The following NTM variants were observed in gnomAD, a reference collection of about 807,000 sequenced individuals.
NTM encodes the protein neurotrimin, also known as IgLON family member 2.
In NTM, 13 loss-of-function variants were observed where a neutral mutation model predicts 42.1. That is an observed-to-expected ratio of 0.31 (90% confidence interval 0.20 to 0.49). NTM has a LOEUF of 0.49. Among genes scored for constraint, NTM ranks in the 20% least tolerant of loss-of-function variants. The pLI, the probability that NTM is intolerant of heterozygous loss-of-function variation, is 0.99. For missense variants in NTM, 373 were observed against 452.8 expected (o/e 0.82, Z 1.60); for synonymous variants, 187 against 179.2 (o/e 1.04, Z -0.35).
At chr11:132,270,672 TG>T (rs1399157458) in intron 4 of NTM, among the ~76,000 whole-genome samples, 8 of 151,970 alleles carry the variant, frequency 5.3e-5, no homozygotes. Flanking sequence ...TTTACTTTTT[TG>T]GGGGGTAATA....
intron 1 of NTM, among the ~76,000 whole-genome samples, chr11:131,626,444 C>T (rs1056884274): frequency 6.6e-6 from 1 of 152,156 alleles, no homozygotes; most frequent in Non-Finnish European, 1.5e-5. Context: ...GTGTGAAATA[C>T]ATAGTAGTTG....
At chr11:131,884,951 T>G (rs976710841) in intron 1 of NTM, among the ~76,000 whole-genome samples, 1 of 152,200 alleles carries the variant, frequency 6.6e-6, no homozygotes, top group African/African-American at 2.4e-5. Flanking sequence ...GTGGCTCTAT[T>G]AGCTGAGGCA....
intron 1 of NTM, among the ~76,000 whole-genome samples, chr11:131,758,942 A>T (rs1401341844): frequency 6.6e-6 from 1 of 152,162 alleles, no homozygotes; most frequent in Non-Finnish European, 1.5e-5. Context: ...TCATCAAAGA[A>T]GCCGTGACTC....
At chr11:132,286,940 G>A (rs1404967765) in intron 4 of NTM, among the ~76,000 whole-genome samples, 1 of 152,140 alleles carries the variant, frequency 6.6e-6, no homozygotes, top group Non-Finnish European at 1.5e-5. Flanking sequence ...TTCTTCTTTG[G>A]TGCCTATGTC....
At chr11:131,815,615 C>T (rs2136350247) in intron 1 of NTM, among the ~76,000 whole-genome samples, 1 of 152,224 alleles carries the variant, frequency 6.6e-6, no homozygotes, top group Admixed American at 6.5e-5. Context: ...GGGTGGCTTA[C>T]CCAACCCCCA....
chr11:132,137,111 A>G (rs2068078585), intron 2 of NTM, among the ~76,000 whole-genome samples: 1 of 152,222 alleles, frequency 6.6e-6, no homozygotes, highest in Admixed American at 6.5e-5. Flanking sequence ...CAATCAGTTT[A>G]ATCAGTGTAA....
At chr11:131,714,987 A>C (rs1234971837) in intron 1 of NTM, among the ~76,000 whole-genome samples, 1 of 152,266 alleles carries the variant, frequency 6.6e-6, no homozygotes, top group Non-Finnish European at 1.5e-5. Flanking sequence ...CACTTGCTTA[A>C]TTAATGCTTC....
At chr11:132,151,592 C>G (rs2071920889) in intron 3 of NTM, among the ~76,000 whole-genome samples, 1 of 152,210 alleles carries the variant, frequency 6.6e-6, no homozygotes. Context: ...CTAGGTTTCT[C>G]TTTTGTCACT....
chr11:131,913,376 T>A (rs1339243952), intron 2 of NTM, among the ~76,000 whole-genome samples: 1 of 152,078 alleles, frequency 6.6e-6, no homozygotes, highest in Non-Finnish European at 1.5e-5. Context: ...CTGTAGAGAC[T>A]TGAAGATAAA....
chr11:131,917,707 C>T lies in NTM; in HGVS notation c.167+6059C>T, dbSNP rs138031153. 2.6e-5 allele frequency among the ~76,000 whole-genome samples: 4 copies of T among 152,284 alleles called. No individual in the cohort carries two copies. In the East Asian group the frequency reaches 7.7e-4, roughly 29 times the overall value. On this transcript the variant is annotated intron_variant, in intron 2 of 8. Coordinates refer to ENST00000683400, the MANE Select transcript of NTM (RefSeq NM_001352005.2). ...TCACCCGTTCAGAATAGCAATGCTA[C>T]TCAGGAGGCCTGTGCTGCTCCCACT... is the stretch of plus-strand genomic sequence containing the variant.
intron 1 of NTM, among the ~76,000 whole-genome samples, chr11:131,420,865 G>T (rs1381900273): frequency 6.6e-6 from 1 of 152,154 alleles, no homozygotes; most frequent in African/African-American, 2.4e-5. Context: ...ACCAGCATTT[G>T]TTGGCAAATG....
At chr11:131,521,207 T>C (rs2049613572) in intron 1 of NTM, among the ~76,000 whole-genome samples, 2 of 151,030 alleles carry the variant, frequency 1.3e-5, no homozygotes, top group African/African-American at 4.9e-5. Flanking sequence ...CCCAGCTACT[T>C]GGGAGGCTGA....
chr11:132,102,798 A>G (rs2061784847), intron 2 of NTM, among the ~76,000 whole-genome samples: 1 of 152,310 alleles, frequency 6.6e-6, no homozygotes, highest in Non-Finnish European at 1.5e-5. Flanking sequence ...CCATGAGCCC[A>G]CACTGACCTT....
At chr11:131,509,448 A>G (rs934538664) in intron 1 of NTM, among the ~76,000 whole-genome samples, 2 of 152,168 alleles carry the variant, frequency 1.3e-5, no homozygotes, top group South Asian at 2.1e-4. Flanking sequence ...CTGGCCTTAC[A>G]ATGTATTAAT....
In NTM at chr11:132,091,921, AAATT is replaced by A. The variant is rs150414038; in HGVS notation, c.168-54357_168-54354del. Among the ~76,000 whole-genome samples, 995 of 152,340 alleles carry A rather than the reference AAATT, an allele frequency of 6.5e-3. 9 individuals are homozygous for A. Among genetic ancestry groups the A allele is most frequent in the African/African-American group, 0.021 (891 of 41,578 alleles). ...TTGTTGAGAAAACAGATGAATAAATAAATTAATGAATGAAGAAAACATAAGTATA... is the reference window on the plus strand; with the variant it reads ...TTGTTGAGAAAACAGATGAATAAATAAATGAATGAAGAAAACATAAGTATA... On this transcript the variant is annotated intron_variant, in intron 2 of 8. Transcript: ENST00000683400.
intron 1 of NTM, among the ~76,000 whole-genome samples, chr11:131,542,031 A>G (rs552478486): frequency 3.3e-5 from 5 of 152,230 alleles, no homozygotes; most frequent in Non-Finnish European, 7.3e-5. Flanking sequence ...ATTTACTGGT[A>G]GCTACAGCAT....
At chr11:131,893,377 G>C (rs2051697163) in intron 1 of NTM, among the ~76,000 whole-genome samples, 1 of 152,186 alleles carries the variant, frequency 6.6e-6, no homozygotes, top group Non-Finnish European at 1.5e-5. Flanking sequence ...TTGTTGGCAG[G>C]TTAGCTAATG....
At chr11:131,598,576 G>C (rs2060015954) in intron 1 of NTM, among the ~76,000 whole-genome samples, 1 of 151,986 alleles carries the variant, frequency 6.6e-6, no homozygotes, top group African/African-American at 2.4e-5. Flanking sequence ...TAGTCACTGG[G>C]GTCCCAGGCT....
chr11:132,157,856 C>T (rs368835038), intron 3 of NTM, among the ~76,000 whole-genome samples: 2 of 152,064 alleles, frequency 1.3e-5, no homozygotes, highest in Non-Finnish European at 2.9e-5. Flanking sequence ...AGCTGCAGTC[C>T]GTCTTCACTG....
Sources: gnomAD v4.1 joint callset for allele counts (sites outside exome capture counted in the v4.1 genomes callset) on GRCh38, gnomAD v4.1.1 for gene constraint, MANE v1.5 for transcripts, NCBI Gene and HGNC (gene_info 2026-07-23, HGNC 2026-07-21) for gene names.